The following WRN variants were observed in gnomAD, a reference collection of about 807,000 sequenced individuals.
The protein encoded by WRN is bifunctional 3'-5' exonuclease/ATP-dependent helicase WRN.
In WRN, 149 loss-of-function variants were observed where a neutral mutation model predicts 180.7. That is an observed-to-expected ratio of 0.82 (90% CI 0.72 to 0.94). The LOEUF (loss-of-function observed/expected upper bound fraction) is 0.94, where lower values mean the gene tolerates loss of function less well. WRN is among the 40% of genes least tolerant of loss of function. WRN has a pLI of 0.00. For missense variants in WRN, 1,661 were observed against 1,700.1 expected (o/e 0.98, Z 0.40); for synonymous variants, 548 against 568.9 (o/e 0.96, Z 0.52).
Position 31,167,014 on chromosome 8 carries a change from G to A in WRN, c.3983-8G>A, listed in dbSNP as rs182048898. ...TATTTTGAAATGGAGTTTTTTTATC[G>A]TTTACAGATATGAGTAAAATTAGCC... On this transcript the variant is annotated splice_polypyrimidine_tract_variant and splice_region_variant and intron_variant, in intron 33 of 34. Coordinates refer to ENST00000298139, the MANE Select transcript of WRN (RefSeq NM_000553.6). 47 of 1,608,494 alleles carry A rather than the reference G, an allele frequency of 2.9e-5. No homozygotes were observed. Among genetic ancestry groups the A allele is most frequent in the Admixed American group, 2.5e-4 (15 of 59,596 alleles).
chr8:31,138,451 C>T (rs62506097), intron 24 of WRN, among the ~76,000 whole-genome samples: 35,104 of 151,830 alleles, frequency 0.23, 4,236 homozygotes, highest in South Asian at 0.29. Flanking sequence ...GTTTTTGTGG[C>T]AAAAGCAGCT....
intron 30 of WRN, among the ~76,000 whole-genome samples, chr8:31,149,354 G>A (rs548994532): frequency 1.3e-5 from 2 of 148,264 alleles, no homozygotes; most frequent in Admixed American, 6.8e-5. Flanking sequence ...CGGAGATCGC[G>A]CCACTGCACT....
rs1803911470 is a variant in WRN, at chr8:31,167,037, G to A, written c.3998G>A (p.Ser1333Asn). 6.2e-7 allele frequency: 1 copy of A among 1,612,762 alleles called. No homozygotes were observed. The highest frequency in any genetic ancestry group is 1.1e-5 in the South Asian group (1 of 91,010). The part of the protein sequence containing the change: ...PPVNSDMSKI[S>N]LIRMLVPENI... ...TCGTTTACAGATATGAGTAAAATTA[G>A]CCTAATCAGAATGTTAGTTCCTGAA... Residue 1333 changes from serine to asparagine, a missense_variant, in exon 34 of 35, where the codon AGC (serine) becomes AAC (asparagine). By Grantham distance (46) the Ser-to-Asn change is conservative. Transcript: ENST00000298139.
intron 1 of WRN, among the ~76,000 whole-genome samples, chr8:31,040,612 C>G (rs997561802): frequency 6.6e-6 from 1 of 152,166 alleles, no homozygotes; most frequent in African/African-American, 2.4e-5. Context: ...TACATTGACT[C>G]AGATGAGCGT....
At position 31,154,730 on chromosome 8, in the gene WRN, T is replaced by C. The variant is rs1803307074; in HGVS notation, c.3794T>C (p.Leu1265Ser). 6.2e-7 allele frequency: 1 copy of C among 1,613,488 alleles called. No homozygotes were observed. The highest frequency in any genetic ancestry group is 1.7e-5 in the Admixed American group (1 of 59,996). Reference protein sequence around the residue: ...LSQSMAITYSLFQEKKMPLKS... With the variant: ...LSQSMAITYSSFQEKKMPLKS... ...CAGTCTATGGCCATCACATACTCTT[T>C]ATTCCAAGAAAAGAAGATGCCTTTG... Residue 1265 changes from leucine to serine, a missense_variant, in exon 32 of 35, where the codon TTA (leucine) becomes TCA (serine). Around this residue, in one of 3 missense-constraint regions of WRN, gnomAD observed 1,141 missense variants for 1,149.4 expected, o/e 0.99. Coordinates refer to ENST00000298139, the MANE Select transcript of WRN (RefSeq NM_000553.6).
intron 3 of WRN, among the ~76,000 whole-genome samples, chr8:31,060,937 T>C (rs867773095): frequency 6.6e-6 from 1 of 152,338 alleles, no homozygotes; most frequent in Middle Eastern, 3.4e-3. Context: ...TGATGTGCCC[T>C]TGTGTAATGT....
intron 7 of WRN, among the ~76,000 whole-genome samples, chr8:31,074,513 G>C (rs563118236): frequency 1.3e-5 from 2 of 152,300 alleles, no homozygotes; most frequent in African/African-American, 4.8e-5. Flanking sequence ...CACAAAGAAA[G>C]GAAGAGGTTT....
rs765663698 is a variant in WRN at position 31,143,073 on chromosome 8, T to TCA, written c.3309+385_3309+386dup. On this transcript the variant is annotated intron_variant, in intron 27 of 34. Coordinates refer to ENST00000298139, the MANE Select transcript of WRN (RefSeq NM_000553.6). ...CACACACATTCTCTCTCTCTCTCTC[T>TCA]CACACACACACACATGCACACACAC... is the stretch of plus-strand genomic sequence containing the variant. 3.2e-3 allele frequency among the ~76,000 whole-genome samples: 474 copies of TCA among 146,372 alleles called. 3 individuals are homozygous for TCA. Among genetic ancestry groups the TCA allele is most frequent in the Middle Eastern group, 0.014 (4 of 286 alleles).
Position 31,168,145 on chromosome 8 carries a change from A to G in WRN, c.4191+915A>G, listed in dbSNP as rs116461705. Reference sequence around the variant, plus strand: ...CTGTACTTGAGTTACGTCTGTATATATAGTCATGTCCTAGATAATCTAATG... The same window carrying G: ...CTGTACTTGAGTTACGTCTGTATATGTAGTCATGTCCTAGATAATCTAATG... On this transcript the variant is annotated intron_variant, in intron 34 of 34. Coordinates refer to ENST00000298139, the MANE Select transcript of WRN (RefSeq NM_000553.6). Among the ~76,000 whole-genome samples the G allele has an allele frequency of 6.9e-3, 1,051 of 152,244 alleles. 9 individuals carry two copies. The highest frequency in any genetic ancestry group is 0.024 in the African/African-American group (1,002 of 41,568).
At chr8:31,135,442 G>T (rs905414640) in intron 24 of WRN, among the ~76,000 whole-genome samples, 2 of 151,896 alleles carry the variant, frequency 1.3e-5, no homozygotes, top group Non-Finnish European at 2.9e-5. Context: ...TACATTTTGT[G>T]GGGGGATTCA....
intron 17 of WRN, 131 bp downstream of exon 17, chr8:31,096,981 C>T: frequency 1.2e-6 from 1 of 850,926 alleles, no homozygotes; most frequent in East Asian, 2.6e-5. Context: ...AAATCTCTGA[C>T]TCTCTAACTT....
intron 24 of WRN, among the ~76,000 whole-genome samples, chr8:31,139,768 G>C (rs12677943): frequency 0.51 from 75,512 of 149,064 alleles, 19,338 homozygotes; most frequent in South Asian, 0.68. Context: ...AAACAGCAGA[G>C]GAGTAGCCTT....
intron 3 of WRN, among the ~76,000 whole-genome samples, chr8:31,059,929 G>A (rs1358336045): frequency 7.2e-5 from 11 of 151,994 alleles, no homozygotes; most frequent in African/African-American, 1.9e-4. Context: ...GGTGGCGTGC[G>A]CCTGTAGTCT....
rs765932330 is a variant in WRN at position 31,132,413 on chromosome 8, C to T, written c.2874C>T (p.Asp958=). The T allele has an allele frequency of 2.5e-5, 40 of 1,614,102 alleles. No homozygotes were observed. The highest frequency in any genetic ancestry group is 3.1e-5 in the Non-Finnish European group (37 of 1,180,000). The change falls in exon 24 of 35, where the codon GAC becomes GAT. Residue 958 remains aspartate, a synonymous_variant. Transcript: ENST00000298139. ...SMDDSEDTSW[D]FGPQAFKLLS... ...ATGACTCAGAGGATACATCCTGGGA[C>T]TTTGGTCCACAAGCATTTAAGCTTT... is the stretch of plus-strand genomic sequence containing the variant.
chr8:31,112,504 C>CT (rs1801358889), intron 19 of WRN, among the ~76,000 whole-genome samples: 1 of 151,992 alleles, frequency 6.6e-6, no homozygotes, highest in African/African-American at 2.4e-5. Context: ...GGCATTAGTA[C>CT]TTTTTTCTGT....
intron 1 of WRN, among the ~76,000 whole-genome samples, chr8:31,056,597 G>T (rs573522788): frequency 6.6e-6 from 1 of 152,058 alleles, no homozygotes; most frequent in African/African-American, 2.4e-5. Context: ...GTCCCAAACC[G>T]TGAGAAACAA....
Position 31,147,148 on chromosome 8 carries a change from G to A in WRN, c.3459+20G>A, listed in dbSNP as rs568168635. 6.2e-7 allele frequency: 1 copy of A among 1,609,750 alleles called. No homozygotes were observed. The highest frequency in any genetic ancestry group is 1.7e-5 in the Admixed American group (1 of 60,008). ...ACTCAGGTAAGGCTTTTGTAAAAAG[G>A]TAATTAGTTTATGATAGGATAGTTA... On this transcript the variant is annotated intron_variant, in intron 29 of 34. Transcript: ENST00000298139.
intron 1 of WRN, among the ~76,000 whole-genome samples, chr8:31,042,789 G>T (rs918518033): frequency 1.3e-5 from 2 of 152,292 alleles, no homozygotes; most frequent in Admixed American, 6.5e-5. Context: ...CTATAGAAAT[G>T]ATAGGAATGC....
At chr8:31,149,688 TG>T (rs1256947761) in intron 30 of WRN, among the ~76,000 whole-genome samples, 1 of 151,876 alleles carries the variant, frequency 6.6e-6, no homozygotes, top group Non-Finnish European at 1.5e-5. Flanking sequence ...TTGTCCAGGC[TG>T]GTGTTGAACT....
Sources: gnomAD v4.1 joint callset for allele counts (sites outside exome capture counted in the v4.1 genomes callset) on GRCh38, gnomAD v4.1.1 for gene constraint, gnomAD v4.1.1 regional missense constraint, MANE v1.5 for transcripts, NCBI Gene and HGNC (gene_info 2026-07-23, HGNC 2026-07-21) for gene names.